The following RSAD2 variants were observed in gnomAD, a reference collection of about 807,000 sequenced individuals.
The protein encoded by RSAD2 is radical S-adenosyl methionine domain containing 2.
Under a neutral mutation model 37.7 loss-of-function variants are expected in RSAD2, and 38 were observed. The observed-to-expected ratio is 1.01, with a 90% CI of 0.78 to 1.32. RSAD2 has a LOEUF of 1.32. Ranked by LOEUF, RSAD2 falls within the 40% of genes most tolerant of loss-of-function variation. RSAD2 has a pLI of 0.00. For missense variants in RSAD2, 428 were observed against 437.5 expected (o/e 0.98, Z 0.19); for synonymous variants, 163 against 157.4 (o/e 1.04, Z -0.27).
intron 3 of RSAD2, among the ~76,000 whole-genome samples, chr2:6,888,226 A>T (rs1663561090): frequency 6.6e-6 from 1 of 152,172 alleles, no homozygotes; most frequent in South Asian, 2.1e-4. Context: ...ATATTCTATC[A>T]TTTTCCTGAA....
intron 1 of RSAD2, among the ~76,000 whole-genome samples, chr2:6,882,886 A>C (rs752094501): frequency 3.0e-4 from 46 of 152,272 alleles, no homozygotes; most frequent in Admixed American, 1.4e-3. Flanking sequence ...TTTGAGGCAT[A>C]CAAGTCATCA....
chr2:6,883,239 C>T (rs962288897), intron 1 of RSAD2, 132 bp from the exon 2 acceptor site: 2 of 953,196 alleles, frequency 2.1e-6, no homozygotes, highest in Non-Finnish European at 3.1e-6. Context: ...GTGTTGGGAA[C>T]TAGGGTTAGG....
intron 2 of RSAD2, among the ~76,000 whole-genome samples, chr2:6,884,421 G>T (rs964657940): frequency 6.6e-6 from 1 of 152,190 alleles, no homozygotes; most frequent in Non-Finnish European, 1.5e-5. Flanking sequence ...GAGGCACTTT[G>T]TCACTCACAC....
In RSAD2 at chr2:6,890,762, C is replaced by T. The variant is rs987904760; in HGVS notation, c.888+437C>T. 7.9e-5 allele frequency among the ~76,000 whole-genome samples: 12 copies of T among 152,090 alleles called. No individual in the cohort carries two copies. In the East Asian group the frequency reaches 2.3e-3, roughly 29 times the overall value. Reference sequence around the variant, plus strand: ...CTCTATGTATAATTTTGTTATGTTGCACAGAATGTAGAAGAAATGTTTCCC... The same window carrying T: ...CTCTATGTATAATTTTGTTATGTTGTACAGAATGTAGAAGAAATGTTTCCC... On this transcript the variant is annotated intron_variant, in intron 4 of 5. Transcript: ENST00000382040.
rs983490543 is a variant in RSAD2 at position 6,883,688 on chromosome 2, G to A, written c.508+156G>A. 6.7e-5 allele frequency: 55 copies of A among 826,500 alleles called. No homozygotes were observed. The African/African-American group carries it at 8.5e-4, about 13-fold the overall frequency. 51.2% of individuals were successfully genotyped at this position (826,500 alleles called of 1,614,324 possible). On this transcript the variant is annotated intron_variant, in intron 2 of 5. Transcript: ENST00000382040. ...TTACTCTAATTGCTTTTCAAGCTGT[G>A]CACGGCATTATGGCAGTTTTAGTTC...
At chr2:6,866,498 C>T in intron 1 of RSAD2, 4 of 985,370 alleles carry the variant, frequency 4.1e-6, no homozygotes, top group Non-Finnish European at 3.6e-6. Context: ...GGAAGTGTCG[C>T]CCAGATTGGC....
intron 4 of RSAD2, among the ~76,000 whole-genome samples, chr2:6,891,526 G>T (rs899872905): frequency 6.6e-6 from 1 of 152,152 alleles, no homozygotes; most frequent in Non-Finnish European, 1.5e-5. Flanking sequence ...CCAGCACTTT[G>T]GGGGGCTGAG....
chr2:6,895,921 T>A lies in RSAD2; in HGVS notation c.1065T>A (p.Ala355=). 6.2e-7 allele frequency: 1 copy of A among 1,613,498 alleles called. No individual in the cohort carries two copies. Among genetic ancestry groups the A allele is most frequent in the Non-Finnish European group, 8.5e-7 (1 of 1,179,608 alleles). Residue 355 remains alanine, a synonymous_variant, in exon 6 of 6, where the codon GCT becomes GCA. Transcript: ENST00000382040. ...GAGGAAAATACATATGGAGTAAGGC[T>A]GATCTGAAGCTGGATTGGTAGAGCG... ...KRGGKYIWSK[A]DLKLDW
chr2:6,889,472 G>A (rs1236496477), intron 3 of RSAD2, among the ~76,000 whole-genome samples: 3 of 152,328 alleles, frequency 2.0e-5, no homozygotes, highest in Admixed American at 6.5e-5. Context: ...TGGTTCAGAC[G>A]ATGATATTAG....
At chr2:6,887,244 A>G (rs1663542116) in intron 3 of RSAD2, 80 bp downstream of exon 3, 1 of 1,063,206 alleles carries the variant, frequency 9.4e-7, no homozygotes, top group Non-Finnish European at 1.4e-6. Flanking sequence ...ACTGAAAACA[A>G]TACTGATACA....
rs367696860 is a variant in RSAD2, at chr2:6,883,538, C to T, written c.508+6C>T. 1.5e-5 allele frequency: 24 copies of T among 1,613,870 alleles called. No individual in the cohort carries two copies. Among genetic ancestry groups the T allele is most frequent in the Non-Finnish European group, 2.0e-5 (24 of 1,179,904 alleles). On this transcript the variant is annotated splice_donor_region_variant and intron_variant, in intron 2 of 5. Transcript: ENST00000382040. ...GAGGTGGTTCCAGAATTATGGTGTGCTCCATGGGATGGCATTCTTCTTATT... is the reference window on the plus strand; with the variant it reads ...GAGGTGGTTCCAGAATTATGGTGTGTTCCATGGGATGGCATTCTTCTTATT...
intron 3 of RSAD2, 75 bp from the exon 4 acceptor site, chr2:6,890,101 A>C (rs1663600205): frequency 1.4e-6 from 2 of 1,435,320 alleles, no homozygotes; most frequent in Admixed American, 3.6e-5. Context: ...ATGAAGCTTG[A>C]AAAGGGGGAG....
At position 6,877,940 on chromosome 2, in the gene RSAD2, G is replaced by GA. The variant is rs1477880186; in HGVS notation, c.143dup (p.Gln49AlafsTer10). On this transcript the variant is annotated frameshift_variant, in exon 1 of 6. Transcript: ENST00000382040. LOFTEE classifies it high-confidence loss of function. ...TTCTGGCTGCTAGCTACCAAGAGGA[G>GA]AAAGCAGCAGCTGGTCCTGAGAGGG... 6 of 1,614,032 alleles carry GA rather than the reference G, an allele frequency of 3.7e-6. No individual in the cohort carries two copies. The highest frequency in any genetic ancestry group is 1.6e-4 in the Middle Eastern group (1 of 6,084).
intron 1 of RSAD2, among the ~76,000 whole-genome samples, chr2:6,866,848 G>A (rs572356382): frequency 4.7e-5 from 7 of 150,222 alleles, no homozygotes; most frequent in African/African-American, 1.2e-4. Flanking sequence ...TAATAGTATT[G>A]GACTTAAACT....
At chr2:6,869,930 G>A (rs1663173929) in intron 1 of RSAD2, among the ~76,000 whole-genome samples, 1 of 152,184 alleles carries the variant, frequency 6.6e-6, no homozygotes, top group African/African-American at 2.4e-5. Flanking sequence ...TTTGGGGCTT[G>A]AAGAGCTCTC....
Position 6,896,131 on chromosome 2 carries a change from A to G in RSAD2, c.*189A>G, listed in dbSNP as rs1663770411. On this transcript the variant is annotated 3_prime_UTR_variant, in exon 6 of 6. Coordinates refer to ENST00000382040, the MANE Select transcript of RSAD2 (RefSeq NM_080657.5). ...TGGATAGCAAATCCTGAGACAATGG[A>G]AAACCATTAACTTTACTTCATTGGC... is the stretch of plus-strand genomic sequence containing the variant. 1.1e-5 allele frequency: 6 copies of G among 529,888 alleles called. No homozygotes were observed. Among genetic ancestry groups the G allele is most frequent in the East Asian group, 5.8e-5 (2 of 34,682 alleles). The allele number at this position is 529,888 out of a possible 1,614,324, so 32.8% of individuals were successfully genotyped here.
At chr2:6,871,322 C>G (rs1194444998) in intron 1 of RSAD2, among the ~76,000 whole-genome samples, 1 of 152,236 alleles carries the variant, frequency 6.6e-6, no homozygotes, top group African/African-American at 2.4e-5. Context: ...CCTCCTTCCT[C>G]TTTCAGGTTT....
At position 6,898,029 on chromosome 2, in the gene RSAD2, C is replaced by T. The variant is rs1663816495; in HGVS notation, c.*2087C>T. The stretch of plus-strand genomic sequence containing the variant: ...AAAAAAAAAAAGCAAGAGAGTTCAA[C>T]TAAGAAAGGTCACATATGTGAAAGC... On this transcript the variant is annotated 3_prime_UTR_variant, in exon 6 of 6. Coordinates refer to ENST00000382040, the MANE Select transcript of RSAD2 (RefSeq NM_080657.5). The T allele has an allele frequency of 6.9e-6, 1 of 145,872 alleles. No homozygotes were observed. The highest frequency in any genetic ancestry group is 2.2e-4 in the South Asian group (1 of 4,488). The allele number at this position is 145,872 out of a possible 1,614,324, so 9.0% of individuals were successfully genotyped here.
At position 6,896,402 on chromosome 2, in the gene RSAD2, G is replaced by T. The variant is rs1308701191; in HGVS notation, c.*460G>T. 6.6e-6 allele frequency: 1 copy of T among 152,488 alleles called. No homozygotes were observed. The highest frequency in any genetic ancestry group is 2.4e-5 in the African/African-American group (1 of 41,430). 9.4% of individuals were successfully genotyped at this position (152,488 alleles called of 1,614,324 possible). ...ACTGCGATTTCTATATTTCCATTTT[G>T]AAACTATTTCTTGTTCCAGGTTTGT... On this transcript the variant is annotated 3_prime_UTR_variant, in exon 6 of 6. Coordinates refer to ENST00000382040, the MANE Select transcript of RSAD2 (RefSeq NM_080657.5).
Sources: allele counts gnomAD v4.1 joint callset (sites outside exome capture counted in the v4.1 genomes callset), GRCh38; gene constraint gnomAD v4.1.1; transcripts MANE v1.5; gene names NCBI Gene and HGNC (gene_info 2026-07-23, HGNC 2026-07-21).